The following KCNN2 variants were observed in gnomAD, a reference collection of about 807,000 sequenced individuals.
KCNN2 encodes the protein potassium calcium-activated channel subfamily N member 2, also known as small conductance calcium-activated potassium channel protein 2.
KCNN2 carries 24 observed loss-of-function variants against 55.5 expected under a neutral mutation model. That is an observed-to-expected ratio of 0.43 (90% CI 0.31 to 0.61). KCNN2 has a LOEUF of 0.61. Ranked by LOEUF, KCNN2 falls within the 20% of genes least tolerant of loss-of-function variation. The pLI is 0.08. For missense variants in KCNN2, 754 were observed against 853.6 expected (o/e 0.88, Z 1.45); for synonymous variants, 431 against 336.1 (o/e 1.28, Z -3.09).
At chr5:114,440,026 GT>G (rs779552006) in intron 3 of KCNN2, among the ~76,000 whole-genome samples, 1 of 151,940 alleles carries the variant, frequency 6.6e-6, no homozygotes, top group African/African-American at 2.4e-5. Flanking sequence ...GTTCAGCTGG[GT>G]TTTTTTTCTG....
rs2150044770 is a variant in KCNN2, at chr5:114,362,204, C to A, written c.65C>A (p.Ser22Tyr). The A allele has an allele frequency of 1.2e-5, 2 of 165,490 alleles. No individual in the cohort carries two copies. The highest frequency in any genetic ancestry group is 3.1e-4 in the South Asian group (2 of 6,426). The allele number at this position is 165,490 out of a possible 1,614,324, so 10.3% of individuals were successfully genotyped here. The change falls in exon 1 of 8, where the codon TCC (serine) becomes TAC (tyrosine). Residue 22 changes from serine (S) to tyrosine (Y), a missense_variant. This residue lies in a region of KCNN2 where 381 missense variants were observed against 259.1 expected (regional missense o/e 1.47). Transcript: ENST00000673685. ...GAGCAGCCGCCGCCGCCGCCGCGCTCCTCACACCTGCATTGCCAGCAGCAG... is the reference window on the plus strand; with the variant it reads ...GAGCAGCCGCCGCCGCCGCCGCGCTACTCACACCTGCATTGCCAGCAGCAG... ...FPEQPPPPPR[S>Y]SHLHCQQQQQ... is the part of the protein sequence containing the mutation.
intron 2 of KCNN2, among the ~76,000 whole-genome samples, chr5:114,341,957 A>G (rs1489529063): frequency 2.0e-5 from 3 of 150,276 alleles, no homozygotes; most frequent in Admixed American, 1.3e-4. Context: ...GCTGTAGTGC[A>G]GTGGCATGAT....
intron 3 of KCNN2, among the ~76,000 whole-genome samples, chr5:114,409,979 G>C (rs1759078827): frequency 6.6e-6 from 1 of 152,110 alleles, no homozygotes; most frequent in Admixed American, 6.6e-5. Context: ...CCCCAGACCA[G>C]ACCACAGTAA....
At chr5:114,484,589 T>C (rs1214484185) in intron 5 of KCNN2, among the ~76,000 whole-genome samples, 1 of 152,182 alleles carries the variant, frequency 6.6e-6, no homozygotes, top group Non-Finnish European at 1.5e-5. Context: ...CCTTTGACCC[T>C]GTCTTCTCAC....
At chr5:114,402,329 C>A (rs1580794062) in intron 2 of KCNN2, among the ~76,000 whole-genome samples, 1 of 152,186 alleles carries the variant, frequency 6.6e-6, no homozygotes, top group African/African-American at 2.4e-5. Context: ...GGAGCAAGAT[C>A]TGCCTGGAAG....
At chr5:114,244,937 A>C (rs1281816154) in intron 2 of KCNN2, among the ~76,000 whole-genome samples, 1 of 152,198 alleles carries the variant, frequency 6.6e-6, no homozygotes, top group African/African-American at 2.4e-5. Flanking sequence ...TAATGATAAC[A>C]ATGCAGGTGA....
intron 1 of KCNN2, among the ~76,000 whole-genome samples, chr5:114,215,970 C>A (rs1055774397): frequency 5.3e-5 from 8 of 152,054 alleles, no homozygotes; most frequent in Non-Finnish European, 8.8e-5. Context: ...AAAGTATCCT[C>A]AGGGACAAAT....
intron 2 of KCNN2, among the ~76,000 whole-genome samples, chr5:114,317,683 G>C (rs1176381321): frequency 6.6e-6 from 1 of 152,198 alleles, no homozygotes; most frequent in African/African-American, 2.4e-5. Context: ...GAAAGTCTTA[G>C]AGTGAGGAGG....
chr5:114,492,268 TGTGA>T (rs767755559), intron 6 of KCNN2, among the ~76,000 whole-genome samples: 50 of 152,302 alleles, frequency 3.3e-4, no homozygotes, highest in Non-Finnish European at 5.7e-4. Context: ...AATCTTGCCC[TGTGA>T]GTTTTTATTC....
At chr5:114,351,463 A>G (rs1034280287) in intron 2 of KCNN2, among the ~76,000 whole-genome samples, 2 of 151,778 alleles carry the variant, frequency 1.3e-5, no homozygotes, top group African/African-American at 2.4e-5. Flanking sequence ...TGTACTGGCT[A>G]GAATTTCTAA....
intron 4 of KCNN2, among the ~76,000 whole-genome samples, chr5:114,470,823 A>G (rs1290327951): frequency 6.6e-6 from 1 of 152,206 alleles, no homozygotes; most frequent in East Asian, 1.9e-4. Flanking sequence ...TATCTAAAGC[A>G]GTGACTATAC....
chr5:114,150,461 A>G (rs922423730), intron 1 of KCNN2, among the ~76,000 whole-genome samples: 2 of 152,224 alleles, frequency 1.3e-5, no homozygotes, highest in African/African-American at 4.8e-5. Context: ...GTTTACAAAG[A>G]TAAGTGGCCT....
rs189540469 is a variant in KCNN2 at position 114,142,057 on chromosome 5, A to G, written c.-270-79423A>G. Among the ~76,000 whole-genome samples the G allele has an allele frequency of 2.5e-3, 379 of 152,238 alleles. 1 individual carries two copies. Among genetic ancestry groups the G allele is most frequent in the Middle Eastern group, 0.01 (3 of 294 alleles). On this transcript the variant is annotated intron_variant, in intron 1 of 10. Coordinates refer to the KCNN2 transcript ENST00000512097. ...CCCTTTGTCAGATGAGTAGATTGCAAAAAATTTCTCCCATTCTGTATGTTG... is the reference window on the plus strand; with the variant it reads ...CCCTTTGTCAGATGAGTAGATTGCAGAAAATTTCTCCCATTCTGTATGTTG...
intron 3 of KCNN2, among the ~76,000 whole-genome samples, chr5:114,406,483 A>G (rs1758938123): frequency 6.6e-6 from 1 of 151,656 alleles, no homozygotes; most frequent in Non-Finnish European, 1.5e-5. Context: ...TATAAACTGC[A>G]TTTGTAGCTG....
At chr5:114,290,586 T>C (rs563748685) in intron 2 of KCNN2, among the ~76,000 whole-genome samples, 1 of 152,232 alleles carries the variant, frequency 6.6e-6, no homozygotes, top group South Asian at 2.1e-4. Context: ...GTCACTATTC[T>C]CTAATTTTTA....
At chr5:114,403,233 CG>C (rs1316701194) in intron 2 of KCNN2, among the ~76,000 whole-genome samples, 1 of 152,040 alleles carries the variant, frequency 6.6e-6, no homozygotes, top group Non-Finnish European at 1.5e-5. Flanking sequence ...ATTCTTAGCC[CG>C]TTTGGAAGTG....
At chr5:114,163,017 A>C (rs565026340) in intron 1 of KCNN2, among the ~76,000 whole-genome samples, 1 of 152,186 alleles carries the variant, frequency 6.6e-6, no homozygotes, top group Non-Finnish European at 1.5e-5. Flanking sequence ...TTCTGCACCC[A>C]CTGTCTGGCA....
intron 2 of KCNN2, among the ~76,000 whole-genome samples, chr5:114,247,017 G>C (rs1754759626): frequency 6.6e-6 from 1 of 151,482 alleles, no homozygotes; most frequent in Admixed American, 6.6e-5. Flanking sequence ...TAGGATCAAA[G>C]AGTGACCTGG....
intron 5 of KCNN2, among the ~76,000 whole-genome samples, chr5:114,483,737 G>C (rs1015064336): frequency 6.6e-6 from 1 of 152,020 alleles, no homozygotes; most frequent in Admixed American, 6.6e-5. Context: ...GTGTGTGTGT[G>C]TGTGTGTAAA....
Sources: gnomAD v4.1 joint callset for allele counts (sites outside exome capture counted in the v4.1 genomes callset) on GRCh38, gnomAD v4.1.1 for gene constraint, gnomAD v4.1.1 regional missense constraint, MANE v1.5 for transcripts, NCBI Gene and HGNC (gene_info 2026-07-23, HGNC 2026-07-21) for gene names.